TIMD4: variants seen among roughly 807,000 people sequenced by gnomAD.
TIMD4 encodes the protein T-cell immunoglobulin and mucin domain-containing protein 4.
A neutral mutation model predicts 41.2 loss-of-function variants in TIMD4; 31 were observed. That is an observed-to-expected ratio of 0.75 (90% CI 0.57 to 1.01). TIMD4 has a LOEUF of 1.01. Among genes scored for constraint, TIMD4 ranks in the 50% least tolerant of loss-of-function variants. The pLI is 0.00. For missense variants in TIMD4, 479 were observed against 472.5 expected (o/e 1.01, Z -0.13); for synonymous variants, 204 against 177.1 (o/e 1.15, Z -1.21).
chr5:156,960,343 A>C (rs1056770454), intron 1 of TIMD4, among the ~76,000 whole-genome samples: 3 of 151,970 alleles, frequency 2.0e-5, no homozygotes, highest in African/African-American at 7.2e-5. Context: ...TACCAAACCC[A>C]AAATATAAGT....
At chr5:156,937,717 C>T (rs955555029) in intron 5 of TIMD4, among the ~76,000 whole-genome samples, 9 of 152,188 alleles carry the variant, frequency 5.9e-5, no homozygotes, top group African/African-American at 1.7e-4. Flanking sequence ...GCTAGAATTA[C>T]ATGGATTCAA....
intron 5 of TIMD4, among the ~76,000 whole-genome samples, chr5:156,947,352 C>A (rs760365498): frequency 4.6e-5 from 7 of 151,814 alleles, no homozygotes; most frequent in South Asian, 2.1e-4. Context: ...ATTGGCACAG[C>A]CTTTTCTGAG....
chr5:156,953,421 C>G (rs181051415), intron 2 of TIMD4, among the ~76,000 whole-genome samples: 1 of 151,732 alleles, frequency 6.6e-6, no homozygotes, highest in Non-Finnish European at 1.5e-5. Flanking sequence ...TTTGGGAGGC[C>G]GAGGTGGGTG....
chr5:156,948,565 C>A, intron 4 of TIMD4, 66 bp from the exon 5 acceptor site: 1 of 1,093,826 alleles, frequency 9.1e-7, no homozygotes. Flanking sequence ...GCTTTTGGTA[C>A]TCAACTGTCC....
intron 5 of TIMD4, among the ~76,000 whole-genome samples, chr5:156,933,546 T>TGTTTG (rs1311615441): frequency 4.4e-5 from 1 of 22,834 alleles, no homozygotes; most frequent in Non-Finnish European, 1.7e-4. Flanking sequence ...GTGAGAGTGT[T>TGTTTG]GTTTTGTTTT....
At chr5:156,924,144 T>A (rs1161207346) in intron 6 of TIMD4, 2 of 378,280 alleles carry the variant, frequency 5.3e-6, no homozygotes, top group Admixed American at 3.6e-5. Context: ...TAGAGGTCCA[T>A]GGGGCTGACC....
chr5:156,956,611 A>T (rs1759974532), intron 1 of TIMD4, among the ~76,000 whole-genome samples: 1 of 152,236 alleles, frequency 6.6e-6, no homozygotes, highest in African/African-American at 2.4e-5. Flanking sequence ...CTCCTCTAAG[A>T]TTCCTTTCAT....
intron 1 of TIMD4, among the ~76,000 whole-genome samples, chr5:156,960,238 C>T (rs1002155138): frequency 6.6e-6 from 1 of 151,966 alleles, no homozygotes; most frequent in South Asian, 2.1e-4. Context: ...CCTAACAAAA[C>T]CTTCCAAACT....
chr5:156,929,704 T>C (rs1759413508), intron 5 of TIMD4, among the ~76,000 whole-genome samples: 1 of 152,198 alleles, frequency 6.6e-6, no homozygotes, highest in African/African-American at 2.4e-5. Context: ...GTCAGACTTC[T>C]GCCCTCCAGA....
Position 156,951,683 on chromosome 5 carries a change from T to C in TIMD4, c.508A>G (p.Thr170Ala), listed in dbSNP as rs372461296. Reference protein sequence around the residue: ...MTTTPAALPTTVVTTPDLTTG... With the variant: ...MTTTPAALPTAVVTTPDLTTG... ...GTGAGATCGGGTGTGGTCACGACTG[T>C]TGTTGGAAGTGCAGCTGGGGTTGTT... The change falls in exon 3 of 9, where the codon ACA (threonine) becomes GCA (alanine). Residue 170 changes from threonine to alanine, a missense_variant. By Grantham distance (58) the Thr-to-Ala change is moderately conservative. Transcript: ENST00000274532. The C allele has an allele frequency of 8.7e-6, 14 of 1,613,856 alleles. No homozygotes were observed. Among genetic ancestry groups the C allele is most frequent in the Non-Finnish European group, 1.2e-5 (14 of 1,179,984 alleles).
intron 5 of TIMD4, among the ~76,000 whole-genome samples, chr5:156,947,197 C>CA (rs200061681): frequency 0.079 from 11,088 of 140,450 alleles, 506 homozygotes; most frequent in Middle Eastern, 0.11. Context: ...GGCTCTGTCT[C>CA]AAAAAAAAAA....
Position 156,920,518 on chromosome 5 carries a change from C to T in TIMD4, c.1013-15G>A, listed in dbSNP as rs777250880. ...CATGAGTTTCCCTGAAAAGACAAGG[C>T]CACAGTGTGAGCAGAGTGGCTGCGG... On this transcript the variant is annotated splice_polypyrimidine_tract_variant and intron_variant, in intron 7 of 8. Transcript: ENST00000274532. 1.9e-6 allele frequency: 3 copies of T among 1,613,936 alleles called. No homozygotes were observed. In the African/African-American group the frequency reaches 4.0e-5, roughly 22 times the overall value.
chr5:156,921,948 T>G (rs1267391308), intron 7 of TIMD4, 151 bp downstream of exon 7: 3 of 608,382 alleles, frequency 4.9e-6, no homozygotes, highest in Non-Finnish European at 8.6e-6. Flanking sequence ...GAGAATGAAC[T>G]TACCTGTTAC....
chr5:156,938,325 G>C (rs1759576876), intron 5 of TIMD4, among the ~76,000 whole-genome samples: 1 of 152,098 alleles, frequency 6.6e-6, no homozygotes, highest in Admixed American at 6.6e-5. Context: ...GGCTTCAAAA[G>C]ACTCATCTGA....
chr5:156,960,405 C>CT (rs1223450556), intron 1 of TIMD4, among the ~76,000 whole-genome samples: 6,866 of 135,232 alleles, frequency 0.051, 225 homozygotes, highest in Non-Finnish European at 0.065. Flanking sequence ...TTTCTTCCCC[C>CT]TTTTTTTTTT....
In TIMD4 at chr5:156,923,806, A is replaced by G. The variant is rs549602174; in HGVS notation, c.895-1590T>C. On this transcript the variant is annotated intron_variant, in intron 6 of 8. Coordinates refer to ENST00000274532, the MANE Select transcript of TIMD4 (RefSeq NM_138379.3). ...AGCAATCCTCCTGCCTCGGCTTCCCAAAGTGGGATTACAGGAGTGTGCCAC... is the reference window on the plus strand; with the variant it reads ...AGCAATCCTCCTGCCTCGGCTTCCCGAAGTGGGATTACAGGAGTGTGCCAC... Among the ~76,000 whole-genome samples, 18 of 151,802 alleles carry G rather than the reference A, an allele frequency of 1.2e-4. No homozygotes were observed. In the East Asian group the frequency reaches 3.1e-3, roughly 26 times the overall value.
At chr5:156,937,342 T>C (rs1731752882) in intron 5 of TIMD4, among the ~76,000 whole-genome samples, 1 of 152,090 alleles carries the variant, frequency 6.6e-6, no homozygotes, top group South Asian at 2.1e-4. Context: ...CCAAAGGGCG[T>C]TTGTACCTTT....
chr5:156,940,003 T>C (rs1451184730), intron 5 of TIMD4, among the ~76,000 whole-genome samples: 2 of 152,246 alleles, frequency 1.3e-5, no homozygotes, highest in Non-Finnish European at 2.9e-5. Flanking sequence ...GGTCTCCCTC[T>C]GTTGCCGAGG....
At chr5:156,933,914 A>G (rs1759492412) in intron 5 of TIMD4, among the ~76,000 whole-genome samples, 2 of 152,130 alleles carry the variant, frequency 1.3e-5, no homozygotes, top group South Asian at 4.1e-4. Flanking sequence ...TACTGGTGCA[A>G]AAACAACCCC....
Sources: allele counts gnomAD v4.1 joint callset (sites outside exome capture counted in the v4.1 genomes callset), GRCh38; gene constraint gnomAD v4.1.1; transcripts MANE v1.5; gene names NCBI Gene and HGNC (gene_info 2026-07-23, HGNC 2026-07-21).